ZNF572: variants seen among roughly 807,000 people sequenced by gnomAD.
ZNF572 encodes the protein zinc finger protein 572.
In ZNF572, 2 loss-of-function variants were observed where a neutral mutation model predicts 3.8. The observed-to-expected ratio is 0.52, with a 90% CI of 0.21 to 1.65. The LOEUF is 1.65. Among genes scored for constraint, ZNF572 ranks in the 40% most tolerant of loss-of-function variants. The pLI is 0.20. For missense variants in ZNF572, 581 were observed against 633.4 expected, an observed-to-expected ratio of 0.92 and a Z score of 0.89; for synonymous variants, 187 against 204.5, an observed-to-expected ratio of 0.91 and a Z score of 0.73.
chr8:124,975,874 GAAT>G (rs1411601828), intron 2 of ZNF572, among the ~76,000 whole-genome samples, 155 bp downstream of exon 2: 6 of 152,174 alleles, frequency 3.9e-5, no homozygotes, highest in Admixed American at 3.9e-4. Flanking sequence ...TTAAGAAAAT[GAAT>G]AATATCTATT....
rs143408022 is a variant in ZNF572, at chr8:124,977,133, C to G, written c.865C>G (p.Arg289Gly). 3 of 1,608,502 alleles carry G rather than the reference C, an allele frequency of 1.9e-6. No individual in the cohort carries two copies. The highest frequency in any genetic ancestry group is 1.3e-5 in the African/African-American group (1 of 74,894). The change falls in exon 3 of 3, where the codon CGC becomes GGC. Residue 289 changes from arginine to glycine, a missense_variant. Arg to Gly is a moderately radical substitution (Grantham distance 125). Transcript: ENST00000319286. Reference protein sequence around the residue: ...KSFSQSSSLIRHQRTHTGEKP... With the variant: ...KSFSQSSSLIGHQRTHTGEKP... ...TTTTAGTCAGAGTTCCAGCCTCATT[C>G]GCCACCAGCGGACACACACAGGTGA...
intron 1 of ZNF572, among the ~76,000 whole-genome samples, chr8:124,974,986 G>A (rs2129821944): frequency 6.6e-6 from 1 of 152,338 alleles, no homozygotes; most frequent in African/African-American, 2.4e-5. Flanking sequence ...TGGATATTGT[G>A]AATATGATAG....
At chr8:124,976,318 T>A in intron 2 of ZNF572, 30 bp from the exon 3 acceptor site, 1 of 1,513,416 alleles carries the variant, frequency 6.6e-7, no homozygotes, top group Admixed American at 2.1e-5. Flanking sequence ...AGATTTGGAA[T>A]ATGGTTAGAA....
Position 124,976,571 on chromosome 8 carries a change from AGAG to A in ZNF572, c.309_311del (p.Glu104del). The A allele has an allele frequency of 1.9e-6, 3 of 1,614,172 alleles. No homozygotes were observed. The highest frequency in any genetic ancestry group is 1.1e-5 in the South Asian group (1 of 91,082). On this transcript the variant is annotated inframe_deletion, in exon 3 of 3. Transcript: ENST00000319286. The stretch of plus-strand genomic sequence containing the variant: ...AGAATTGGGGAAATTTTATAGCTAA[AGAG>A]GAGGAAAAACCCAATCACCAGGAAT...
chr8:124,974,197 T>C (rs1259686734), intron 1 of ZNF572, among the ~76,000 whole-genome samples: 1 of 152,194 alleles, frequency 6.6e-6, no homozygotes, highest in Non-Finnish European at 1.5e-5. Flanking sequence ...ATGCCAGTAT[T>C]CTAAATATTC....
chr8:124,977,307 C>T lies in ZNF572; in HGVS notation c.1039C>T (p.Gln347Ter). Residue 347 changes from glutamine to a stop codon, truncating the protein, a stop_gained, in exon 3 of 3, where the codon CAG becomes TAG. Coordinates refer to ENST00000319286, the MANE Select transcript of ZNF572 (RefSeq NM_152412.3). LOFTEE classifies it low-confidence loss of function (END_TRUNC). ...FSRSSNLITH[Q>*]KMHTGEKSYE... is the part of the protein sequence containing the mutation. ...TCGTAGTTCAAACCTTATTACACAC[C>T]AGAAAATGCACACAGGAGAGAAATC... 1.2e-6 allele frequency: 2 copies of T among 1,614,056 alleles called. No homozygotes were observed. Among genetic ancestry groups the T allele is most frequent in the Non-Finnish European group, 1.7e-6 (2 of 1,180,018 alleles).
rs750600647 is a variant in ZNF572 at position 124,977,247 on chromosome 8, C to A, written c.979C>A (p.Pro327Thr). The change falls in exon 3 of 3, where the codon CCT (proline) becomes ACT (threonine). Residue 327 changes from proline to threonine, a missense_variant. Coordinates refer to ENST00000319286, the MANE Select transcript of ZNF572 (RefSeq NM_152412.3). ...TCAGAGAATACATACAGGAGAAAAG[C>A]CTTATCAATGTCCAGAATGTGGGAA... ...KHQRIHTGEK[P>T]YQCPECGKNF... 4 of 1,613,484 alleles carry A rather than the reference C, an allele frequency of 2.5e-6. No individual in the cohort carries two copies. Among genetic ancestry groups the A allele is most frequent in the East Asian group, 2.2e-5 (1 of 44,864 alleles).
chr8:124,974,061 T>C (rs1247552640), intron 1 of ZNF572, among the ~76,000 whole-genome samples: 1 of 152,162 alleles, frequency 6.6e-6, no homozygotes, highest in African/African-American at 2.4e-5. Context: ...ACTCAAACAC[T>C]GGGGATATTA....
In ZNF572 at chr8:124,975,699, G is replaced by A. The variant is rs1172293603; in HGVS notation, c.59G>A (p.Ser20Asn). ...SDSNSFMERE[S>N]LKSPFTGDTS... ...TCTAACAGCTTTATGGAGAGGGAGA[G>A]TTTGAAAAGCCCTTTCACAGGTGAG... Residue 20 changes from serine to asparagine, a missense_variant, in exon 2 of 3, where the codon AGT becomes AAT. Transcript: ENST00000319286. 6.8e-6 allele frequency: 11 copies of A among 1,613,818 alleles called. No individual in the cohort carries two copies. The highest frequency in any genetic ancestry group is 2.7e-5 in the African/African-American group (2 of 74,914).
Position 124,976,983 on chromosome 8 carries a change from A to T in ZNF572, c.715A>T (p.Thr239Ser). The change falls in exon 3 of 3, where the codon ACA becomes TCA. Residue 239 changes from threonine to serine, a missense_variant. Coordinates refer to ENST00000319286, the MANE Select transcript of ZNF572 (RefSeq NM_152412.3). Reference sequence around the variant, plus strand: ...CCTTATTCAGCATCACAGATCACATACAGGTGAAAAACCATATGAATGTTC... The same window carrying T: ...CCTTATTCAGCATCACAGATCACATTCAGGTGAAAAACCATATGAATGTTC... Reference protein sequence around the residue: ...SHLIQHHRSHTGEKPYECSVC... With the variant: ...SHLIQHHRSHSGEKPYECSVC... The T allele has an allele frequency of 6.2e-7, 1 of 1,614,164 alleles. No homozygotes were observed. The highest frequency in any genetic ancestry group is 1.6e-4 in the Middle Eastern group (1 of 6,062).
At position 124,976,599 on chromosome 8, in the gene ZNF572, T is replaced by C. The variant is rs769060783; in HGVS notation, c.331T>C (p.Trp111Arg). The C allele has an allele frequency of 8.1e-6, 13 of 1,614,170 alleles. No homozygotes were observed. In the South Asian group the frequency reaches 8.8e-5, roughly 11 times the overall value. ...KEEEKPNHQE[W>R]DSGEHTNACV... Reference sequence around the variant, plus strand: ...GGAGGAAAAACCCAATCACCAGGAATGGGACTCAGGAGAACATACCAATGC... The same window carrying C: ...GGAGGAAAAACCCAATCACCAGGAACGGGACTCAGGAGAACATACCAATGC... The change falls in exon 3 of 3, where the codon TGG (tryptophan) becomes CGG (arginine). Residue 111 changes from tryptophan (W) to arginine (R), a missense_variant. Coordinates refer to ENST00000319286, the MANE Select transcript of ZNF572 (RefSeq NM_152412.3).
In ZNF572 at chr8:124,976,525, A is replaced by G. The variant is rs1314630159; in HGVS notation, c.257A>G (p.Tyr86Cys). 3.1e-6 allele frequency: 5 copies of G among 1,614,182 alleles called. No individual in the cohort carries two copies. Among genetic ancestry groups the G allele is most frequent in the East Asian group, 4.5e-5 (2 of 44,888 alleles). The change falls in exon 3 of 3, where the codon TAT (tyrosine) becomes TGT (cysteine). Residue 86 changes from tyrosine (Y) to cysteine (C), a missense_variant. By Grantham distance (194) the Tyr-to-Cys change is radical (BLOSUM62 -2). Transcript: ENST00000319286. Reference protein sequence around the residue: ...VQDEIWCHDSYESDGKSENWG... With the variant: ...VQDEIWCHDSCESDGKSENWG... ...GATGAGATTTGGTGTCATGATTCCT[A>G]TGAGAGTGATGGCAAGTCAGAGAAT...
chr8:124,975,590 T>G lies in ZNF572; in HGVS notation c.-35-16T>G. On this transcript the variant is annotated splice_polypyrimidine_tract_variant and intron_variant, in intron 1 of 2. Transcript: ENST00000319286. ...TTTAACAAATACCTCCAAACATAATTTATTTCCTTCCACAGGGTTTCTGAT... is the reference window on the plus strand; with the variant it reads ...TTTAACAAATACCTCCAAACATAATGTATTTCCTTCCACAGGGTTTCTGAT... 1 of 1,456,914 alleles carries G rather than the reference T, an allele frequency of 6.9e-7. No homozygotes were observed. The highest frequency in any genetic ancestry group is 1.4e-5 in the African/African-American group (1 of 71,764). The allele number at this position is 1,456,914 out of a possible 1,614,324, so 90.2% of individuals were successfully genotyped here.
In ZNF572 at chr8:124,977,115, C is replaced by CA. The variant is rs1814518319; in HGVS notation, c.848dup (p.Ser284GlufsTer14). On this transcript the variant is annotated frameshift_variant, in exon 3 of 3. Coordinates refer to ENST00000319286, the MANE Select transcript of ZNF572 (RefSeq NM_152412.3). LOFTEE classifies it low-confidence loss of function (END_TRUNC). ...CCCTGATTGTGGGAAGAGTTTTAGT[C>CA]AGAGTTCCAGCCTCATTCGCCACCA... The CA allele has an allele frequency of 1.9e-6, 3 of 1,608,616 alleles. No individual in the cohort carries two copies. Among genetic ancestry groups the CA allele is most frequent in the Non-Finnish European group, 1.7e-6 (2 of 1,179,950 alleles).
Position 124,977,507 on chromosome 8 carries a change from A to G in ZNF572, c.1239A>G (p.Arg413=), listed in dbSNP as rs144158113. ...CACATACAGGAGAAAAACCTTACAGATGTTCTGAGTGCTGGAAAACTTTCA... is the reference window on the plus strand; with the variant it reads ...CACATACAGGAGAAAAACCTTACAGGTGTTCTGAGTGCTGGAAAACTTTCA... ...QRTHTGEKPY[R]CSECWKTFSQ... The change falls in exon 3 of 3, where the codon AGA becomes AGG. Residue 413 remains arginine (R), a synonymous_variant. Transcript: ENST00000319286. 1.2e-6 allele frequency: 2 copies of G among 1,614,196 alleles called. No homozygotes were observed. Among genetic ancestry groups the G allele is most frequent in the South Asian group, 1.1e-5 (1 of 91,082 alleles).
chr8:124,977,631 C>CT lies in ZNF572; in HGVS notation c.1365dup (p.Ile456TyrfsTer19). On this transcript the variant is annotated frameshift_variant, in exon 3 of 3. Coordinates refer to ENST00000319286, the MANE Select transcript of ZNF572 (RefSeq NM_152412.3). LOFTEE classifies it low-confidence loss of function (END_TRUNC). Reference sequence around the variant, plus strand: ...TGAAAGCTTCAGTCAGAGCTTTAACCTTATCAGGCACCGGAGGACCCACAT... The same window carrying CT: ...TGAAAGCTTCAGTCAGAGCTTTAACCTTTATCAGGCACCGGAGGACCCACAT... 1 of 1,614,178 alleles carries CT rather than the reference C, an allele frequency of 6.2e-7. No homozygotes were observed. The highest frequency in any genetic ancestry group is 8.5e-7 in the Non-Finnish European group (1 of 1,180,022).
Position 124,976,456 on chromosome 8 carries a change from A to G in ZNF572, c.188A>G (p.Tyr63Cys). The G allele has an allele frequency of 6.2e-7, 1 of 1,614,206 alleles. No homozygotes were observed. Among genetic ancestry groups the G allele is most frequent in the Non-Finnish European group, 8.5e-7 (1 of 1,180,018 alleles). Residue 63 changes from tyrosine to cysteine, a missense_variant, in exon 3 of 3, where the codon TAT becomes TGT. Physicochemically the swap from Tyr to Cys is radical, Grantham distance 194. Coordinates refer to ENST00000319286, the MANE Select transcript of ZNF572 (RefSeq NM_152412.3). ...EWSKRHRPQH[Y>C]KHEDAKEMPL... is the part of the protein sequence containing the mutation. ...TCTAAAAGACATAGACCACAACATT[A>G]TAAGCATGAGGATGCAAAAGAAATG...
intron 1 of ZNF572, among the ~76,000 whole-genome samples, chr8:124,973,805 G>C (rs972639931): frequency 1.3e-5 from 2 of 152,194 alleles, no homozygotes; most frequent in Admixed American, 6.5e-5. Context: ...TGGCAGCCTT[G>C]TATGGTCTTG....
chr8:124,976,996 C>A lies in ZNF572; in HGVS notation c.728C>A (p.Pro243Gln). The A allele has an allele frequency of 6.2e-7, 1 of 1,614,154 alleles. No individual in the cohort carries two copies. Among genetic ancestry groups the A allele is most frequent in the Non-Finnish European group, 8.5e-7 (1 of 1,180,026 alleles). ...QHHRSHTGEK[P>Q]YECSVCGKGF... ...CACAGATCACATACAGGTGAAAAACCATATGAATGTTCTGTCTGCGGAAAA... is the reference window on the plus strand; with the variant it reads ...CACAGATCACATACAGGTGAAAAACAATATGAATGTTCTGTCTGCGGAAAA... The change falls in exon 3 of 3, where the codon CCA (proline) becomes CAA (glutamine). Residue 243 changes from proline to glutamine, a missense_variant. Physicochemically the swap from Pro to Gln is moderately conservative, Grantham distance 76 (BLOSUM62 -1). Coordinates refer to ENST00000319286, the MANE Select transcript of ZNF572 (RefSeq NM_152412.3).
Sources: gnomAD v4.1 joint callset for allele counts (sites outside exome capture counted in the v4.1 genomes callset) on GRCh38, gnomAD v4.1.1 for gene constraint, MANE v1.5 for transcripts, NCBI Gene and HGNC (gene_info 2026-07-23, HGNC 2026-07-21) for gene names.